Variants in ATP11B observed in about 807,000 individuals in gnomAD.
ATP11B encodes phospholipid-transporting ATPase IF.
ATP11B carries 81 observed loss-of-function variants against 157.8 expected under a neutral mutation model. The observed-to-expected ratio is 0.51, with a 90% CI of 0.43 to 0.62. The LOEUF (loss-of-function observed/expected upper bound fraction) is 0.62. ATP11B is among the 20% of genes least tolerant of loss of function. The pLI is 0.00. For synonymous variants in ATP11B, 451 were observed against 469.4 expected, an observed-to-expected ratio of 0.96 and a Z score of 0.51; for missense variants, 1,165 against 1,402.2, an observed-to-expected ratio of 0.83 and a Z score of 2.70.
chr3:182,889,708 A>G (rs987335180), intron 25 of ATP11B, among the ~76,000 whole-genome samples, 160 bp downstream of exon 25: 5 of 152,240 alleles, frequency 3.3e-5, no homozygotes, highest in African/African-American at 1.2e-4. Flanking sequence ...AAAGTTTCAT[A>G]CAAGTGAAAA....
Position 182,866,348 on chromosome 3 carries a change from T to C in ATP11B, c.1524T>C (p.Thr508=), listed in dbSNP as rs544200359. Residue 508 remains threonine (T), a synonymous_variant, in exon 14 of 30, where the codon ACT becomes ACC. Coordinates refer to ENST00000323116, the MANE Select transcript of ATP11B (RefSeq NM_014616.3). The part of the protein sequence containing the change: ...VQISNVQTDC[T]GDGPWQSNLA... ...TTAGCAATGTTCAAACTGACTGCACTGGTGATGGTCCCTGGCAATCCAACC... is the reference window on the plus strand; with the variant it reads ...TTAGCAATGTTCAAACTGACTGCACCGGTGATGGTCCCTGGCAATCCAACC... 76 of 1,614,006 alleles carry C rather than the reference T, an allele frequency of 4.7e-5. No individual in the cohort carries two copies. The East Asian group carries it at 1.7e-3, about 36-fold the overall frequency.
At chr3:182,807,651 A>C (rs761525998) in intron 1 of ATP11B, among the ~76,000 whole-genome samples, 49 of 152,198 alleles carry the variant, frequency 3.2e-4, no homozygotes, top group Non-Finnish European at 6.5e-4. Context: ...AATAGCTTTT[A>C]TCATATCCAT....
At chr3:182,801,677 C>T (rs1360625780) in intron 1 of ATP11B, among the ~76,000 whole-genome samples, 2 of 152,132 alleles carry the variant, frequency 1.3e-5, no homozygotes, top group African/African-American at 2.4e-5. Flanking sequence ...TAATTTTACC[C>T]ATAAATATTT....
intron 2 of ATP11B, among the ~76,000 whole-genome samples, chr3:182,823,232 G>A (rs1187767999): frequency 5.9e-5 from 9 of 152,170 alleles, no homozygotes; most frequent in Admixed American, 5.9e-4. Flanking sequence ...TTCTTCTAGG[G>A]TTTTTATGGT....
At chr3:182,798,078 A>C (rs568809472) in intron 1 of ATP11B, among the ~76,000 whole-genome samples, 1 of 152,144 alleles carries the variant, frequency 6.6e-6, no homozygotes, top group Non-Finnish European at 1.5e-5. Context: ...TTGAGGCTGC[A>C]GTGAGCCATG....
At chr3:182,853,529 A>G (rs1385694838) in intron 10 of ATP11B, among the ~76,000 whole-genome samples, 2 of 152,204 alleles carry the variant, frequency 1.3e-5, no homozygotes, top group East Asian at 3.8e-4. Flanking sequence ...AGTAAGAAAC[A>G]GTTAAGAAAA....
intron 4 of ATP11B, among the ~76,000 whole-genome samples, chr3:182,831,199 A>G (rs181347076): frequency 1.3e-5 from 2 of 152,108 alleles, no homozygotes; most frequent in East Asian, 3.9e-4. Context: ...AAACTATACT[A>G]CTAGTTCTTG....
At chr3:182,794,379 G>C (rs1017462114) in intron 1 of ATP11B, among the ~76,000 whole-genome samples, 3 of 152,284 alleles carry the variant, frequency 2.0e-5, no homozygotes, top group South Asian at 2.1e-4. Flanking sequence ...GGGAAAGACT[G>C]TGCCAGCTGC....
intron 28 of ATP11B, 50 bp from the exon 29 acceptor site, chr3:182,913,811 A>C (rs1258889056): frequency 6.2e-7 from 1 of 1,613,370 alleles, no homozygotes; most frequent in South Asian, 1.1e-5. Context: ...AATGCTTTTC[A>C]GAAGTCCATA....
rs1488194769 is a variant in ATP11B, at chr3:182,913,830, C to CA, written c.3319-29dup. On this transcript the variant is annotated intron_variant, in intron 28 of 29. Transcript: ENST00000323116. ...CTTTTCAGAAGTCCATATCTTTAAA[C>CA]AACTGATGTTTTCTGCTTCACCTCC... 17 of 1,613,716 alleles carry CA rather than the reference C, an allele frequency of 1.1e-5. No homozygotes were observed. In the East Asian group the frequency reaches 3.6e-4, roughly 34 times the overall value.
At chr3:182,895,313 A>G (rs1301861827) in intron 25 of ATP11B, among the ~76,000 whole-genome samples, 2 of 152,052 alleles carry the variant, frequency 1.3e-5, no homozygotes, top group Non-Finnish European at 2.9e-5. Flanking sequence ...TGACAAATAC[A>G]TTCCCCAAAT....
chr3:182,803,080 A>G (rs774765409), intron 1 of ATP11B, among the ~76,000 whole-genome samples: 2 of 151,980 alleles, frequency 1.3e-5, no homozygotes, highest in Non-Finnish European at 2.9e-5. Context: ...ATTATTGTTT[A>G]TTTATTTATT....
chr3:182,841,243 AATAC>A (rs1308055851), intron 7 of ATP11B, among the ~76,000 whole-genome samples: 2 of 152,196 alleles, frequency 1.3e-5, no homozygotes. Context: ...CTGTTTTCAT[AATAC>A]ATAATATTTT....
intron 1 of ATP11B, among the ~76,000 whole-genome samples, chr3:182,815,870 A>G (rs1395101084): frequency 6.6e-6 from 1 of 152,220 alleles, no homozygotes; most frequent in Non-Finnish European, 1.5e-5. Flanking sequence ...TGCAGAGGCT[A>G]ATATACTTGG....
chr3:182,897,264 TTTG>T (rs749695190), intron 26 of ATP11B, 36 bp from the exon 27 acceptor site: 1 of 1,161,544 alleles, frequency 8.6e-7, no homozygotes, highest in South Asian at 1.5e-5. Flanking sequence ...TAAAGCTTTA[TTTG>T]TTTATATTTC....
chr3:182,859,445 T>G, intron 12 of ATP11B, 86 bp downstream of exon 12: 9 of 1,198,476 alleles, frequency 7.5e-6, no homozygotes, highest in Non-Finnish European at 1.0e-5. Context: ...AACAAGGTAT[T>G]ATGATGCTTA....
intron 23 of ATP11B, among the ~76,000 whole-genome samples, chr3:182,886,717 C>G (rs1180861385): frequency 6.6e-6 from 1 of 152,130 alleles, no homozygotes; most frequent in Non-Finnish European, 1.5e-5. Flanking sequence ...GTGGCAGGCA[C>G]CCTTTTTACA....
chr3:182,837,553 A>G (rs1299963593), intron 7 of ATP11B, among the ~76,000 whole-genome samples: 1 of 152,094 alleles, frequency 6.6e-6, no homozygotes, highest in Non-Finnish European at 1.5e-5. Context: ...TTACCACTAT[A>G]GAGGATACTG....
At chr3:182,836,205 C>T (rs1718538385) in intron 5 of ATP11B, 63 bp downstream of exon 5, 1 of 1,561,058 alleles carries the variant, frequency 6.4e-7, no homozygotes, top group Non-Finnish European at 8.8e-7. Flanking sequence ...TAATTCTAAT[C>T]TTGATATTAC....
Sources: allele counts gnomAD v4.1 joint callset (sites outside exome capture counted in the v4.1 genomes callset), GRCh38; gene constraint gnomAD v4.1.1; transcripts MANE v1.5; gene names NCBI Gene and HGNC (gene_info 2026-07-23, HGNC 2026-07-21).